The following BCKDHB variants were observed in gnomAD, a reference collection of about 807,000 sequenced individuals.
The protein encoded by BCKDHB is 2-oxoisovalerate dehydrogenase subunit beta, mitochondrial.
BCKDHB carries 41 observed loss-of-function variants against 48.5 expected under a neutral mutation model. The observed-to-expected ratio is 0.85, with a 90% confidence interval of 0.66 to 1.10. The LOEUF (loss-of-function observed/expected upper bound fraction) is 1.10. Ranked by LOEUF, BCKDHB falls within the 50% of genes least tolerant of loss-of-function variation. The pLI is 0.00. For synonymous variants in BCKDHB, 201 were observed against 174.8 expected (o/e 1.15, Z -1.18); for missense variants, 496 against 494.2 (o/e 1.00, Z -0.03).
chr6:80,278,594 C>T (rs748415012), intron 9 of BCKDHB, among the ~76,000 whole-genome samples: 13 of 152,118 alleles, frequency 8.5e-5, no homozygotes, highest in Non-Finnish European at 1.9e-4. Context: ...GAGTCTCGCT[C>T]TGTCGCCCAG....
intron 8 of BCKDHB, among the ~76,000 whole-genome samples, chr6:80,215,468 A>G (rs1310391567): frequency 6.6e-6 from 1 of 152,154 alleles, no homozygotes; most frequent in African/African-American, 2.4e-5. Context: ...AGGGCAGGGA[A>G]TTTTGTGTAT....
At chr6:80,117,868 C>G (rs937790628) in intron 1 of BCKDHB, among the ~76,000 whole-genome samples, 1 of 152,180 alleles carries the variant, frequency 6.6e-6, no homozygotes, top group African/African-American at 2.4e-5. Flanking sequence ...CCCCTGATTT[C>G]CCACTCCACA....
chr6:80,106,651 G>T, upstream of BCKDHB: 1 of 1,539,876 alleles, frequency 6.5e-7, no homozygotes, highest in African/African-American at 1.4e-5. Flanking sequence ...CCCCGCAGGC[G>T]GCGTGCGGCT....
intron 9 of BCKDHB, among the ~76,000 whole-genome samples, chr6:80,311,600 T>C (rs1768164695): frequency 6.6e-6 from 1 of 152,204 alleles, no homozygotes; most frequent in Non-Finnish European, 1.5e-5. Context: ...GAGTTGATTT[T>C]TGTATATTGT....
At chr6:80,351,713 G>T in the BCKDHB span, among the ~76,000 whole-genome samples, 1 of 149,732 alleles carries the variant, frequency 6.7e-6, no homozygotes, top group East Asian at 2.0e-4. Context: ...TATGATCTCG[G>T]CTCACTTCAG....
At chr6:80,304,102 C>T (rs919939344) in intron 9 of BCKDHB, among the ~76,000 whole-genome samples, 1 of 152,032 alleles carries the variant, frequency 6.6e-6, no homozygotes, top group Non-Finnish European at 1.5e-5. Context: ...GTAGTTACAT[C>T]CTGATAAAAT....
intron 8 of BCKDHB, among the ~76,000 whole-genome samples, chr6:80,236,128 G>A (rs1237557783): frequency 6.6e-6 from 1 of 151,674 alleles, no homozygotes; most frequent in African/African-American, 2.4e-5. Context: ...ATTTTGGTAT[G>A]CTGTTATTCT....
intron 3 of BCKDHB, among the ~76,000 whole-genome samples, chr6:80,130,809 A>G (rs1770589850): frequency 6.6e-6 from 1 of 152,326 alleles, no homozygotes; most frequent in African/African-American, 2.4e-5. Context: ...ATGTTTGTAT[A>G]TATTAACTAA....
the BCKDHB span, among the ~76,000 whole-genome samples, chr6:80,352,466 C>T: frequency 6.6e-6 from 1 of 152,094 alleles, no homozygotes. Flanking sequence ...CCACATGCAG[C>T]CTGAAGTGTT....
intron 3 of BCKDHB, among the ~76,000 whole-genome samples, chr6:80,130,432 A>G (rs1770571345): frequency 6.6e-6 from 1 of 152,084 alleles, no homozygotes. Flanking sequence ...AAGAACCCAT[A>G]CATGTTCCAT....
At chr6:80,390,455 A>T in the BCKDHB span, among the ~76,000 whole-genome samples, 23 of 152,246 alleles carry the variant, frequency 1.5e-4, no homozygotes, top group African/African-American at 5.3e-4. Context: ...TGTAGTTGTC[A>T]TGAGTATTTC....
chr6:80,385,385 A>G, the BCKDHB span, among the ~76,000 whole-genome samples: 1 of 152,192 alleles, frequency 6.6e-6, no homozygotes, highest in African/African-American at 2.4e-5. Flanking sequence ...GAGAGCACTG[A>G]TTGGAAAATA....
At chr6:80,271,632 C>T (rs536602328) in intron 8 of BCKDHB, among the ~76,000 whole-genome samples, 1 of 151,994 alleles carries the variant, frequency 6.6e-6, no homozygotes, top group Non-Finnish European at 1.5e-5. Flanking sequence ...TTATTTCTAC[C>T]TGCTCAAAAT....
At chr6:80,351,458 T>TC in the BCKDHB span, among the ~76,000 whole-genome samples, 2 of 152,060 alleles carry the variant, frequency 1.3e-5, no homozygotes, top group African/African-American at 4.8e-5. Context: ...AGTTAATTCT[T>TC]CCCATGGCCC....
At chr6:80,232,516 C>T (rs2127890975) in intron 8 of BCKDHB, among the ~76,000 whole-genome samples, 1 of 151,306 alleles carries the variant, frequency 6.6e-6, no homozygotes, top group Non-Finnish European at 1.5e-5. Flanking sequence ...TAGAATCCCC[C>T]TTTTCAGTTA....
chr6:80,124,592 A>G (rs1166332336), intron 1 of BCKDHB, among the ~76,000 whole-genome samples: 1 of 152,134 alleles, frequency 6.6e-6, no homozygotes, highest in Non-Finnish European at 1.5e-5. Context: ...GCATATATTT[A>G]GGATAGTTAG....
chr6:80,107,019 A>AAGTTAAT, intron 1 of BCKDHB, 130 bp downstream of exon 1: 1 of 1,224,310 alleles, frequency 8.2e-7, no homozygotes, highest in Non-Finnish European at 1.2e-6. Context: ...GACTCTCTGG[A>AAGTTAAT]ACCTCCTTGC....
At chr6:80,309,146 C>T (rs1370027007) in intron 9 of BCKDHB, among the ~76,000 whole-genome samples, 1 of 151,706 alleles carries the variant, frequency 6.6e-6, no homozygotes, top group African/African-American at 2.4e-5. Context: ...TCACTGCAAC[C>T]TCCGCCTCCC....
At chr6:80,318,122 T>C (rs1768536807) in intron 9 of BCKDHB, among the ~76,000 whole-genome samples, 1 of 152,192 alleles carries the variant, frequency 6.6e-6, no homozygotes, top group Non-Finnish European at 1.5e-5. Context: ...CCAACACCCT[T>C]CCCATTGTAG....
Sources: gnomAD v4.1 joint callset for allele counts (sites outside exome capture counted in the v4.1 genomes callset) on GRCh38, gnomAD v4.1.1 for gene constraint, MANE v1.5 for transcripts, NCBI Gene and HGNC (gene_info 2026-07-23, HGNC 2026-07-21) for gene names.